BTD: variants seen among roughly 807,000 people sequenced by gnomAD.
The protein encoded by BTD is biotinidase.
A neutral mutation model predicts 17.7 loss-of-function variants in BTD; 13 were observed. The observed-to-expected ratio is 0.74, with a 90% confidence interval of 0.48 to 1.17. BTD has a LOEUF of 1.17. Among genes scored for constraint, BTD ranks in the 50% most tolerant of loss-of-function variants. The probability of loss-of-function intolerance (pLI) is 0.00; values close to 1 mark genes in which losing one functional copy is unlikely to be tolerated. For missense variants in BTD, 674 were observed against 650.4 expected (o/e 1.04, Z -0.39); for synonymous variants, 240 against 245.2 (o/e 0.98, Z 0.20).
chr3:15,628,753 G>C (rs544979359), intron 1 of BTD, among the ~76,000 whole-genome samples: 1 of 152,214 alleles, frequency 6.6e-6, no homozygotes, highest in South Asian at 2.1e-4. Flanking sequence ...CCAATCAATA[G>C]TTTAAGACTT....
chr3:15,671,674 C>T (rs1002638403), intron 3 of BTD, among the ~76,000 whole-genome samples: 2 of 150,920 alleles, frequency 1.3e-5, no homozygotes, highest in African/African-American at 4.9e-5. Flanking sequence ...ACCTTTGCCT[C>T]CTGGGTTCAA....
At chr3:15,659,733 G>A (rs2065904250) in intron 3 of BTD, among the ~76,000 whole-genome samples, 1 of 152,228 alleles carries the variant, frequency 6.6e-6, no homozygotes, top group Non-Finnish European at 1.5e-5. Flanking sequence ...TTTCTAAGAT[G>A]CCTTTCAGGA....
At chr3:15,602,416 G>A (rs1445832527) in intron 1 of BTD, 1 of 758,006 alleles carries the variant, frequency 1.3e-6, no homozygotes, top group East Asian at 1.2e-4. Flanking sequence ...TTCTTAGGTT[G>A]GGTCCCTACC....
chr3:15,690,978 C>G (rs1253833029), intron 3 of BTD, among the ~76,000 whole-genome samples: 2 of 152,158 alleles, frequency 1.3e-5, no homozygotes, highest in African/African-American at 4.8e-5. Flanking sequence ...ACTGACCATA[C>G]CCACCCCATA....
rs572130317 is a variant in BTD, at chr3:15,627,791, G to A, written c.-16-7633G>A. Among the ~76,000 whole-genome samples, 3 of 152,158 alleles carry A rather than the reference G, an allele frequency of 2.0e-5. No individual in the cohort carries two copies. The South Asian group carries it at 6.2e-4, about 32-fold the overall frequency. ...GGCTGGAGTGCAATGGCACGATCTC[G>A]GCTCACTGCAATCTCTGCCTCCGAG... On this transcript the variant is annotated intron_variant, in intron 1 of 3. Transcript: ENST00000643237.
At chr3:15,685,936 A>T in intron 3 of BTD, 1 of 1,173,076 alleles carries the variant, frequency 8.5e-7, no homozygotes, top group Non-Finnish European at 1.2e-6. Flanking sequence ...AACATAACCT[A>T]GTTCAGTTCT....
chr3:15,675,950 C>T, intron 3 of BTD: 1 of 1,613,032 alleles, frequency 6.2e-7, no homozygotes, highest in Non-Finnish European at 8.5e-7. Flanking sequence ...GTTCCTGAAC[C>T]ACCATTGTTA....
rs763540316 is a variant in BTD, at chr3:15,644,992, A to G, written c.1076A>G (p.His359Arg). The change falls in exon 4 of 4, where the codon CAC (histidine) becomes CGC (arginine). Residue 359 changes from histidine to arginine, a missense_variant. Transcript: ENST00000643237. The part of the protein sequence containing the change: ...PYCEKDAQEV[H>R]CDEATKWNVN... Reference sequence around the variant, plus strand: ...TGTGAGAAGGATGCTCAGGAAGTCCACTGTGATGAGGCCACCAAGTGGAAC... The same window carrying G: ...TGTGAGAAGGATGCTCAGGAAGTCCGCTGTGATGAGGCCACCAAGTGGAAC... 3.3e-5 allele frequency: 53 copies of G among 1,614,216 alleles called. No homozygotes were observed. The South Asian group carries it at 5.7e-4, about 17-fold the overall frequency.
At chr3:15,716,897 G>A (rs2073140607), downstream of BTD, among the ~76,000 whole-genome samples, 1 of 152,126 alleles carries the variant, frequency 6.6e-6, no homozygotes. Context: ...AGGAGTTTGA[G>A]GCTGAAGTGA....
chr3:15,612,836 G>A (rs2064677040), intron 1 of BTD, among the ~76,000 whole-genome samples: 1 of 152,050 alleles, frequency 6.6e-6, no homozygotes, highest in South Asian at 2.1e-4. Context: ...GGATCCTCTG[G>A]TCAGCATCTC....
At chr3:15,695,594 G>A (rs1037565081) in intron 3 of BTD, among the ~76,000 whole-genome samples, 1 of 152,066 alleles carries the variant, frequency 6.6e-6, no homozygotes, top group Non-Finnish European at 1.5e-5. Context: ...TTAACCTAAA[G>A]TATCTGTTAC....
At chr3:15,612,461 A>C (rs962810299) in intron 1 of BTD, among the ~76,000 whole-genome samples, 1 of 152,140 alleles carries the variant, frequency 6.6e-6, no homozygotes. Flanking sequence ...TATTGTAGTA[A>C]AGTCTGAGGA....
chr3:15,642,075 C>T lies in BTD; in HGVS notation c.399+18C>T. On this transcript the variant is annotated intron_variant, in intron 3 of 3. Transcript: ENST00000643237. The stretch of plus-strand genomic sequence containing the variant: ...ACACAGAGGTGATTCCTGCCTTTTT[C>T]CTCAGTAGGCTGAGGGTACACAGAG... 1 of 1,613,682 alleles carries T rather than the reference C, an allele frequency of 6.2e-7. No individual in the cohort carries two copies. The highest frequency in any genetic ancestry group is 1.1e-5 in the South Asian group (1 of 90,948).
At chr3:15,631,279 G>C in intron 1 of BTD, 3 of 641,138 alleles carry the variant, frequency 4.7e-6, no homozygotes, top group Non-Finnish European at 7.6e-6. Flanking sequence ...CTAATCATAG[G>C]ATTGCTATTC....
At chr3:15,617,800 A>G (rs1334827425) in intron 1 of BTD, among the ~76,000 whole-genome samples, 4 of 152,094 alleles carry the variant, frequency 2.6e-5, no homozygotes, top group East Asian at 1.9e-4. Context: ...TGTTCCATCT[A>G]TTTGTCTGTT....
At chr3:15,657,186 A>G (rs1054863853), downstream of BTD, among the ~76,000 whole-genome samples, 14 of 152,202 alleles carry the variant, frequency 9.2e-5, no homozygotes, top group African/African-American at 2.9e-4. Context: ...GTGGCCAGAA[A>G]CAGGCACAGT....
intron 1 of BTD, among the ~76,000 whole-genome samples, chr3:15,633,592 G>A (rs2065269262): frequency 6.6e-6 from 1 of 152,196 alleles, no homozygotes; most frequent in African/African-American, 2.4e-5. Context: ...CCAGCTCTCA[G>A]TTGAGAAAGA....
chr3:15,695,185 TACA>T, intron 3 of BTD: 1 of 1,594,684 alleles, frequency 6.3e-7, no homozygotes, highest in Non-Finnish European at 8.6e-7. Flanking sequence ...GACTAATACT[TACA>T]ACATCTAGAG....
chr3:15,622,404 C>G (rs191364777), intron 1 of BTD, among the ~76,000 whole-genome samples: 1 of 152,142 alleles, frequency 6.6e-6, no homozygotes, highest in Non-Finnish European at 1.5e-5. Context: ...CTACTGTGGT[C>G]TGAGAGCAGA....
Sources: gnomAD v4.1 joint callset for allele counts (sites outside exome capture counted in the v4.1 genomes callset) on GRCh38, gnomAD v4.1.1 for gene constraint, MANE v1.5 for transcripts, NCBI Gene and HGNC (gene_info 2026-07-23, HGNC 2026-07-21) for gene names.